TMEM117: variants seen among roughly 807,000 people sequenced by gnomAD.
TMEM117 encodes the protein transmembrane protein 117.
TMEM117 carries 27 observed loss-of-function variants against 52.4 expected under a neutral mutation model. That is an observed-to-expected ratio of 0.51 (90% CI 0.38 to 0.71). TMEM117 has a LOEUF of 0.71. TMEM117 is among the 30% of genes least tolerant of loss of function. The pLI, the probability that TMEM117 is intolerant of heterozygous loss-of-function variation, is 0.00. For missense variants in TMEM117, 556 were observed against 630.5 expected (o/e 0.88, Z 1.26); for synonymous variants, 215 against 206.3 (o/e 1.04, Z -0.36).
intron 3 of TMEM117, among the ~76,000 whole-genome samples, chr12:43,995,577 G>A (rs917526048): frequency 2.0e-5 from 3 of 152,132 alleles, no homozygotes. Flanking sequence ...GTGGTGTTTG[G>A]TTGCATGGAA....
chr12:44,201,653 A>G (rs115964955), intron 4 of TMEM117, among the ~76,000 whole-genome samples: 1 of 152,180 alleles, frequency 6.6e-6, no homozygotes, highest in African/African-American at 2.4e-5. Flanking sequence ...TAGCATCAAC[A>G]ATGTTAAGGC....
downstream of TMEM117, among the ~76,000 whole-genome samples, chr12:44,392,629 C>T (rs1436364500): frequency 6.6e-6 from 1 of 151,550 alleles, no homozygotes; most frequent in African/African-American, 2.4e-5. Context: ...CCCATTAACT[C>T]GTCATTTAAC....
At chr12:44,083,477 C>T (rs1254045206) in intron 3 of TMEM117, 1 of 145,556 alleles carries the variant, frequency 6.9e-6, no homozygotes, top group East Asian at 2.1e-4. Flanking sequence ...TCTTGGCTCA[C>T]TGCAACCTCC....
intron 3 of TMEM117, among the ~76,000 whole-genome samples, chr12:44,031,450 G>C (rs1946631516): frequency 6.6e-6 from 1 of 152,072 alleles, no homozygotes; most frequent in Admixed American, 6.5e-5. Context: ...TTTAAATGCA[G>C]GTTTCTGATA....
intron 3 of TMEM117, among the ~76,000 whole-genome samples, chr12:44,096,656 G>C (rs1947769414): frequency 6.6e-6 from 1 of 151,892 alleles, no homozygotes; most frequent in African/African-American, 2.4e-5. Flanking sequence ...AAACTGACTA[G>C]CCATATGTAG....
At chr12:43,944,377 GT>G in intron 3 of TMEM117, 35 bp downstream of exon 3, 3 of 1,553,762 alleles carry the variant, frequency 1.9e-6, no homozygotes, top group Non-Finnish European at 2.6e-6. Context: ...TGTGGTGAGT[GT>G]TATGTTTGAA....
At chr12:44,105,847 A>T (rs1947943943) in intron 3 of TMEM117, among the ~76,000 whole-genome samples, 1 of 152,034 alleles carries the variant, frequency 6.6e-6, no homozygotes, top group Non-Finnish European at 1.5e-5. Flanking sequence ...GCTCTGTCAT[A>T]TTCCAAAAGG....
chr12:44,077,674 ATGAAGGGATTCCTTTC>A (rs1039374829), intron 3 of TMEM117, among the ~76,000 whole-genome samples: 1 of 152,080 alleles, frequency 6.6e-6, no homozygotes, highest in Non-Finnish European at 1.5e-5. Flanking sequence ...TTTTTTTTAT[ATGAAGGGATTCCTTTC>A]TAAGAACAAC....
chr12:43,995,841 T>A (rs2407789), intron 3 of TMEM117, among the ~76,000 whole-genome samples: 1 of 152,098 alleles, frequency 6.6e-6, no homozygotes, highest in Admixed American at 6.5e-5. Flanking sequence ...AATTAACAAC[T>A]GATGTGATTT....
At chr12:43,994,476 C>A (rs1327940775) in intron 3 of TMEM117, among the ~76,000 whole-genome samples, 2 of 152,054 alleles carry the variant, frequency 1.3e-5, no homozygotes. Context: ...CATGGAATAA[C>A]TTTTGTGCAA....
chr12:44,238,703 C>T (rs374915962), intron 5 of TMEM117, among the ~76,000 whole-genome samples: 24 of 152,122 alleles, frequency 1.6e-4, no homozygotes, highest in African/African-American at 5.6e-4. Context: ...CCCTTCTTAA[C>T]GGGAATTCTT....
chr12:44,346,971 C>T (rs1951496125), intron 6 of TMEM117, among the ~76,000 whole-genome samples: 1 of 151,984 alleles, frequency 6.6e-6, no homozygotes, highest in Non-Finnish European at 1.5e-5. Context: ...TAGTTTTAAC[C>T]ACTTTTTTTC....
At chr12:44,141,057 A>G (rs1251823063) in intron 3 of TMEM117, among the ~76,000 whole-genome samples, 1 of 152,014 alleles carries the variant, frequency 6.6e-6, no homozygotes, top group Non-Finnish European at 1.5e-5. Flanking sequence ...CTAATCTGGT[A>G]TCTTGATTTT....
intron 3 of TMEM117, among the ~76,000 whole-genome samples, chr12:44,139,991 T>A (rs1243483847): frequency 2.0e-5 from 3 of 152,176 alleles, no homozygotes; most frequent in Non-Finnish European, 4.4e-5. Flanking sequence ...GTAATTCTTC[T>A]TCATATTTAT....
At chr12:44,180,459 C>A (rs1400132477) in intron 4 of TMEM117, among the ~76,000 whole-genome samples, 1 of 149,688 alleles carries the variant, frequency 6.7e-6, no homozygotes, top group African/African-American at 2.5e-5. Flanking sequence ...CCCACTAACT[C>A]GTCATCTAGC....
chr12:44,373,771 CTTTTTTTTTTTTTTT>C (rs142046499), intron 6 of TMEM117, among the ~76,000 whole-genome samples: 9 of 60,042 alleles, frequency 1.5e-4, no homozygotes, highest in Non-Finnish European at 2.3e-4. Context: ...TGTCCATTTC[CTTTTTTTTTTTTTTT>C]TTTTTTTTTT....
intron 2 of TMEM117, among the ~76,000 whole-genome samples, chr12:43,905,481 T>A (rs1393490665): frequency 6.6e-6 from 1 of 152,198 alleles, no homozygotes; most frequent in Non-Finnish European, 1.5e-5. Flanking sequence ...TTATATTAAC[T>A]GTTAGTCAAT....
downstream of TMEM117, among the ~76,000 whole-genome samples, chr12:44,392,688 G>A (rs756331154): frequency 1.6e-4 from 15 of 94,840 alleles, no homozygotes; most frequent in Non-Finnish European, 2.3e-4. Context: ...CCCACCCCAC[G>A]ACAGGCCCCG....
chr12:43,997,015 A>T (rs1007592844), intron 3 of TMEM117, among the ~76,000 whole-genome samples: 1 of 152,234 alleles, frequency 6.6e-6, no homozygotes, highest in Non-Finnish European at 1.5e-5. Flanking sequence ...CTGGCGGCTC[A>T]GTCTTAAGCC....
Sources: allele counts gnomAD v4.1 joint callset (sites outside exome capture counted in the v4.1 genomes callset), GRCh38; gene constraint gnomAD v4.1.1; transcripts MANE v1.5; gene names NCBI Gene and HGNC (gene_info 2026-07-23, HGNC 2026-07-21).